Variants in DCDC1 observed in about 807,000 individuals in gnomAD.
DCDC1 encodes doublecortin domain containing 1.
In DCDC1, 200 loss-of-function variants were observed where a neutral mutation model predicts 178.3. The observed-to-expected ratio is 1.12, with a 90% CI of 1.00 to 1.26. DCDC1 has a LOEUF of 1.26. Among genes scored for constraint, DCDC1 ranks in the 50% most tolerant of loss-of-function variants. The pLI is 0.00. For missense variants in DCDC1, 1,983 were observed against 1,749.2 expected (o/e 1.13, Z -2.38); for synonymous variants, 690 against 604.8 (o/e 1.14, Z -2.07).
At chr11:31,263,435 C>T (rs1204774638) in intron 8 of DCDC1, among the ~76,000 whole-genome samples, 6 of 152,104 alleles carry the variant, frequency 3.9e-5, no homozygotes, top group Non-Finnish European at 7.4e-5. Context: ...CTTTGTGTTA[C>T]ATGTTTTACA....
At chr11:30,924,389 T>G (rs958127842) in intron 23 of DCDC1, among the ~76,000 whole-genome samples, 1 of 152,200 alleles carries the variant, frequency 6.6e-6, no homozygotes, top group Non-Finnish European at 1.5e-5. Context: ...AGGGCCTCAG[T>G]TGAGTTCTGA....
At position 31,028,161 on chromosome 11, in the gene DCDC1, A is replaced by G. The variant is rs1464957879; in HGVS notation, c.2591+36308T>C. Among the ~76,000 whole-genome samples the G allele has an allele frequency of 2.6e-5, 4 of 151,950 alleles. No homozygotes were observed. In the East Asian group the frequency reaches 7.7e-4, roughly 29 times the overall value. The stretch of plus-strand genomic sequence containing the variant: ...TAAAGCTATTTTTTCTAACACAGAT[A>G]AAGTTGTTAAAATAACTTTTAATTC... On this transcript the variant is annotated intron_variant, in intron 20 of 38. Transcript: ENST00000684477.
At chr11:31,284,540 T>A (rs930033647) in intron 7 of DCDC1, among the ~76,000 whole-genome samples, 2 of 152,084 alleles carry the variant, frequency 1.3e-5, no homozygotes, top group Admixed American at 1.3e-4. Flanking sequence ...TCTTAACAAT[T>A]AAAATATGTT....
chr11:30,874,833 C>G (rs1941967960), intron 38 of DCDC1, among the ~76,000 whole-genome samples: 1 of 152,322 alleles, frequency 6.6e-6, no homozygotes, highest in South Asian at 2.1e-4. Context: ...GACTGGCAAG[C>G]TAGGACCTGA....
intron 9 of DCDC1, among the ~76,000 whole-genome samples, chr11:31,225,507 A>G (rs1974816640): frequency 6.6e-6 from 1 of 151,610 alleles, no homozygotes; most frequent in Non-Finnish European, 1.5e-5. Context: ...CTTTTCCCCA[A>G]AAAACTATTA....
At chr11:31,057,068 C>A (rs1297767616) in intron 20 of DCDC1, among the ~76,000 whole-genome samples, 1 of 151,906 alleles carries the variant, frequency 6.6e-6, no homozygotes, top group Admixed American at 6.6e-5. Context: ...CCCATCTCTA[C>A]TAAAAATACA....
chr11:31,040,187 G>GA (rs1954341688), intron 20 of DCDC1, among the ~76,000 whole-genome samples: 3 of 151,674 alleles, frequency 2.0e-5, no homozygotes, highest in Admixed American at 6.6e-5. Context: ...TATGTCTTGA[G>GA]AAAAAAAAGC....
rs780898890 is a variant in DCDC1, at chr11:31,328,168, T to C, written c.113A>G (p.Asp38Gly). 1.7e-5 allele frequency: 27 copies of C among 1,612,472 alleles called. No homozygotes were observed. Among genetic ancestry groups the C allele is most frequent in the Middle Eastern group, 1.6e-4 (1 of 6,078 alleles). ...LQQSSPEGTL[D>G]GNTVNPIYKY... ...GTAAATTGGGTTTACAGTATTCCCA[T>C]CCAAAGTGCCTTCAGGGCTACTTTG... is the stretch of plus-strand genomic sequence containing the variant. Residue 38 changes from aspartate to glycine, a missense_variant, in exon 3 of 39, where the codon GAT (aspartate) becomes GGT (glycine). Asp to Gly is a moderately conservative substitution (Grantham distance 94). Coordinates refer to ENST00000684477, the MANE Select transcript of DCDC1 (RefSeq NM_001387274.1).
intron 7 of DCDC1, among the ~76,000 whole-genome samples, chr11:31,282,158 C>T (rs1280379150): frequency 6.6e-6 from 1 of 152,008 alleles, no homozygotes; most frequent in African/African-American, 2.4e-5. Context: ...TATTATTTCT[C>T]ATGAAAGGTT....
intron 11 of DCDC1, among the ~76,000 whole-genome samples, chr11:31,122,110 G>A (rs1475131707): frequency 6.6e-6 from 1 of 151,998 alleles, no homozygotes; most frequent in African/African-American, 2.4e-5. Context: ...AATTTAGAGG[G>A]TTAGCTAGGT....
At chr11:31,171,598 T>G (rs1967250657) in intron 9 of DCDC1, among the ~76,000 whole-genome samples, 1 of 152,212 alleles carries the variant, frequency 6.6e-6, no homozygotes, top group Non-Finnish European at 1.5e-5. Flanking sequence ...TGAAGTGTCT[T>G]CAACTGGAAA....
At chr11:31,005,385 T>A (rs912778797) in intron 20 of DCDC1, among the ~76,000 whole-genome samples, 1 of 152,184 alleles carries the variant, frequency 6.6e-6, no homozygotes, top group Non-Finnish European at 1.5e-5. Flanking sequence ...TATTCCTTTG[T>A]TGGGGCCCAG....
intron 1 of DCDC1, among the ~76,000 whole-genome samples, chr11:31,344,384 C>G: frequency 6.6e-6 from 1 of 152,130 alleles, no homozygotes; most frequent in Non-Finnish European, 1.5e-5. Context: ...CTCTGATACC[C>G]CCACCTAGGG....
intron 36 of DCDC1, chr11:30,883,366 T>C (rs1942862547): frequency 7.3e-6 from 2 of 275,116 alleles, no homozygotes; most frequent in African/African-American, 4.6e-5. Flanking sequence ...GTCAAACATT[T>C]ATAATGTCAA....
In DCDC1 at chr11:30,863,964, T is replaced by C. The variant is rs1172712924; in HGVS notation, c.*1409A>G. The C allele has an allele frequency of 1.3e-5, 2 of 151,964 alleles. No individual in the cohort carries two copies. Among genetic ancestry groups the C allele is most frequent in the Non-Finnish European group, 2.9e-5 (2 of 68,012 alleles). 9.4% of individuals were successfully genotyped at this position (151,964 alleles called of 1,614,324 possible). A position where few individuals can be genotyped will look rare whatever the true frequency, so the allele number is the denominator to read the frequency against. On this transcript the variant is annotated 3_prime_UTR_variant, in exon 39 of 39. Coordinates refer to ENST00000684477, the MANE Select transcript of DCDC1 (RefSeq NM_001387274.1). ...CAACAAGGTGAAACCCCATCTCTAC[T>C]AAAAATACAAAAGTTAGCTGGGTGT...
chr11:31,266,209 T>G (rs1338350200), intron 7 of DCDC1, among the ~76,000 whole-genome samples: 1 of 152,188 alleles, frequency 6.6e-6, no homozygotes, highest in African/African-American at 2.4e-5. Context: ...TTTCCATGAA[T>G]ATGAGTCTCA....
At chr11:31,263,037 C>T (rs960222909) in intron 8 of DCDC1, 10 of 1,612,176 alleles carry the variant, frequency 6.2e-6, no homozygotes, top group Middle Eastern at 1.6e-4. Context: ...ATGCCTCTGG[C>T]ATCCATGAAG....
At chr11:31,192,329 C>T (rs1454459198) in intron 9 of DCDC1, among the ~76,000 whole-genome samples, 1 of 152,068 alleles carries the variant, frequency 6.6e-6, no homozygotes, top group Non-Finnish European at 1.5e-5. Flanking sequence ...AAAACCCCTT[C>T]GCATGATACC....
At chr11:31,354,213 G>A (rs780642375) in intron 1 of DCDC1, among the ~76,000 whole-genome samples, 2 of 152,166 alleles carry the variant, frequency 1.3e-5, no homozygotes, top group Non-Finnish European at 2.9e-5. Context: ...CTGAACCTGG[G>A]AGGCGGAGGT....
Sources: gnomAD v4.1 joint callset for allele counts (sites outside exome capture counted in the v4.1 genomes callset) on GRCh38, gnomAD v4.1.1 for gene constraint, MANE v1.5 for transcripts, NCBI Gene and HGNC (gene_info 2026-07-23, HGNC 2026-07-21) for gene names.